Variants in HTR4 observed in about 807,000 individuals in gnomAD.
HTR4 encodes 5-hydroxytryptamine (serotonin) receptor 4, G protein-coupled.
Under a neutral mutation model 36.8 loss-of-function variants are expected in HTR4, and 16 were observed. The observed-to-expected ratio is 0.43, with a 90% confidence interval of 0.29 to 0.66. HTR4 has a LOEUF of 0.66. Among genes scored for constraint, HTR4 ranks in the 30% least tolerant of loss-of-function variants. HTR4 has a pLI of 0.13. For synonymous variants in HTR4, 189 were observed against 185.1 expected (o/e 1.02, Z -0.17); for missense variants, 438 against 490.9 (o/e 0.89, Z 1.02).
At chr5:148,579,292 TCA>T (rs2127241777) in intron 2 of HTR4, among the ~76,000 whole-genome samples, 1 of 152,226 alleles carries the variant, frequency 6.6e-6, no homozygotes, top group South Asian at 2.1e-4. Context: ...CTCATAGTTC[TCA>T]GAGTTTGCTT....
rs1755927896 is a variant in HTR4 at position 148,482,382 on chromosome 5, G to A, written c.*821C>T. On this transcript the variant is annotated 3_prime_UTR_variant, in exon 7 of 7. Coordinates refer to ENST00000377888, the MANE Select transcript of HTR4 (RefSeq NM_000870.7). Reference sequence around the variant, plus strand: ...GCTTTTTAGAAGACGTCCCGTTCTAGCCCAGCAGGAGAGCGAGCATCTCAG... The same window carrying A: ...GCTTTTTAGAAGACGTCCCGTTCTAACCCAGCAGGAGAGCGAGCATCTCAG... The A allele has an allele frequency of 1.1e-5, 11 of 985,474 alleles. No individual in the cohort carries two copies. The South Asian group carries it at 5.2e-4, about 46-fold the overall frequency. The allele number at this position is 985,474 out of a possible 1,614,324, so 61.0% of individuals were successfully genotyped here. A position where few individuals can be genotyped will look rare whatever the true frequency, so the allele number is the denominator to read the frequency against.
chr5:148,502,411 A>G (rs1756978577), intron 6 of HTR4, among the ~76,000 whole-genome samples: 1 of 152,150 alleles, frequency 6.6e-6, no homozygotes, highest in South Asian at 2.1e-4. Context: ...ACTCCAGCAA[A>G]CTCCAACAGA....
In HTR4 at chr5:148,483,018, T is replaced by C; in HGVS notation, c.*185A>G. 6.9e-7 allele frequency: 1 copy of C among 1,448,134 alleles called. No homozygotes were observed. Among genetic ancestry groups the C allele is most frequent in the South Asian group, 1.5e-5 (1 of 67,476 alleles). The allele number at this position is 1,448,134 out of a possible 1,614,324, so 89.7% of individuals were successfully genotyped here. ...TGAACAAGGAGGCCATTATGTCCCC[T>C]GACTCCCTCCAGCGCCACCTGCTGG... On this transcript the variant is annotated 3_prime_UTR_variant, in exon 7 of 7. Coordinates refer to ENST00000377888, the MANE Select transcript of HTR4 (RefSeq NM_000870.7).
intron 2 of HTR4, among the ~76,000 whole-genome samples, chr5:148,570,112 G>A (rs565006069): frequency 6.6e-6 from 1 of 152,028 alleles, no homozygotes; most frequent in Admixed American, 6.6e-5. Context: ...CTGGGTGTGA[G>A]CCCAGCTCCA....
In HTR4 at chr5:148,509,894, T is replaced by A. The variant is rs1483137609; in HGVS notation, c.638A>T (p.Tyr213Phe). Residue 213 changes from tyrosine (Y) to phenylalanine (F), a missense_variant, in exon 6 of 7, where the codon TAC becomes TTC. By Grantham distance (22) the Tyr-to-Phe change is conservative (BLOSUM62 3). Transcript: ENST00000377888. ...IPFLLMVLAY[Y>F]RIYVTAKEHA... ...CTCCTTAGCTGTGACATAGATGCGG[T>A]AATAGGCCAGCACCATGAGGAGAAA... is the stretch of plus-strand genomic sequence containing the variant. The A allele has an allele frequency of 1.2e-6, 2 of 1,613,740 alleles. No individual in the cohort carries two copies. Among genetic ancestry groups the A allele is most frequent in the African/African-American group, 2.7e-5 (2 of 74,842 alleles).
At chr5:148,606,567 C>T (rs766055395) in intron 2 of HTR4, among the ~76,000 whole-genome samples, 2 of 152,124 alleles carry the variant, frequency 1.3e-5, no homozygotes, top group Non-Finnish European at 2.9e-5. Context: ...GCATGTAGAA[C>T]ATTTAGCACT....
intron 6 of HTR4, among the ~76,000 whole-genome samples, chr5:148,503,434 G>A (rs1001910956): frequency 1.8e-4 from 27 of 152,234 alleles, no homozygotes; most frequent in African/African-American, 6.5e-4. Flanking sequence ...TTACAGACAA[G>A]CAAATGCTGA....
downstream of HTR4, among the ~76,000 whole-genome samples, chr5:148,479,655 G>C (rs1184551824): frequency 6.6e-6 from 1 of 152,084 alleles, no homozygotes; most frequent in Admixed American, 6.5e-5. Context: ...TAGAATCAAG[G>C]ATTCTAGGAC....
intron 2 of HTR4, among the ~76,000 whole-genome samples, chr5:148,554,862 C>T (rs1322145645): frequency 6.6e-6 from 1 of 152,040 alleles, no homozygotes; most frequent in African/African-American, 2.4e-5. Context: ...GTAATGTACT[C>T]AGTGTTCAGC....
chr5:148,528,524 G>T (rs1210037707), intron 4 of HTR4, among the ~76,000 whole-genome samples: 1 of 147,580 alleles, frequency 6.8e-6, no homozygotes, highest in African/African-American at 2.5e-5. Context: ...CTGGACTCAA[G>T]AATGCAAATT....
intron 1 of HTR4, chr5:148,645,442 T>TA (rs1227807851): frequency 6.6e-6 from 1 of 152,208 alleles, no homozygotes; most frequent in East Asian, 1.9e-4. Flanking sequence ...CTTGAACAAT[T>TA]AAAAAATGTA....
At chr5:148,512,158 TCA>T (rs1437426737) in intron 5 of HTR4, among the ~76,000 whole-genome samples, 5 of 152,208 alleles carry the variant, frequency 3.3e-5, no homozygotes, top group African/African-American at 1.2e-4. Flanking sequence ...AGCTGTATCT[TCA>T]GTTTCAATCT....
At chr5:148,596,615 A>G (rs1299219359) in intron 2 of HTR4, among the ~76,000 whole-genome samples, 2 of 151,308 alleles carry the variant, frequency 1.3e-5, no homozygotes, top group Admixed American at 1.3e-4. Flanking sequence ...CAGAAGCATC[A>G]CCACCCCCTT....
intron 4 of HTR4, among the ~76,000 whole-genome samples, chr5:148,536,988 A>G (rs892825802): frequency 8.5e-5 from 13 of 152,184 alleles, no homozygotes; most frequent in African/African-American, 3.1e-4. Context: ...GTAATTGGAC[A>G]TAAAACAATC....
chr5:148,558,405 C>G (rs137897604), intron 2 of HTR4, among the ~76,000 whole-genome samples: 1 of 152,262 alleles, frequency 6.6e-6, no homozygotes, highest in East Asian at 1.9e-4. Context: ...ACTCCCTTTT[C>G]TTAGAGCATT....
At chr5:148,502,566 C>T (rs3995093) in intron 6 of HTR4, among the ~76,000 whole-genome samples, 26,999 of 152,052 alleles carry the variant, frequency 0.18, 4,154 homozygotes, top group African/African-American at 0.41. Context: ...GCAGAAAAGC[C>T]GAAAGTTCTA....
intron 6 of HTR4, among the ~76,000 whole-genome samples, chr5:148,491,855 A>C (rs535804870): frequency 7.9e-5 from 12 of 152,306 alleles, no homozygotes; most frequent in South Asian, 2.1e-4. Flanking sequence ...TTTCCAGGAC[A>C]CCAGCGGTTG....
At chr5:148,566,451 C>G (rs772184677) in intron 2 of HTR4, among the ~76,000 whole-genome samples, 5 of 152,126 alleles carry the variant, frequency 3.3e-5, no homozygotes, top group Non-Finnish European at 7.3e-5. Flanking sequence ...AGGGAAGCAA[C>G]AGAGCCTCTT....
intron 2 of HTR4, among the ~76,000 whole-genome samples, chr5:148,609,123 C>T (rs1385122934): frequency 1.3e-5 from 2 of 152,082 alleles, no homozygotes; most frequent in African/African-American, 4.8e-5. Context: ...GTGGGGACCC[C>T]CTCGTTGCCT....
Sources: allele counts gnomAD v4.1 joint callset (sites outside exome capture counted in the v4.1 genomes callset), GRCh38; gene constraint gnomAD v4.1.1; transcripts MANE v1.5; gene names NCBI Gene and HGNC (gene_info 2026-07-23, HGNC 2026-07-21).